The following UNC80 variants were observed in gnomAD, a reference collection of about 807,000 sequenced individuals.
UNC80 encodes unc-80 subunit of NALCN channel complex, also known as protein unc-80 homolog.
UNC80 carries 164 observed loss-of-function variants against 384.6 expected under a neutral mutation model. The observed-to-expected ratio is 0.43, with a 90% confidence interval of 0.38 to 0.49. UNC80 has a LOEUF of 0.49. Among genes scored for constraint, UNC80 ranks in the 20% least tolerant of loss-of-function variants. The pLI is 0.00. For synonymous variants in UNC80, 1,486 were observed against 1,527.8 expected (o/e 0.97, Z 0.64); for missense variants, 3,330 against 4,143.0 (o/e 0.80, Z 5.39).
intron 61 of UNC80, 63 bp from the exon 62 acceptor site, chr2:209,992,103 C>A: frequency 7.2e-7 from 1 of 1,393,076 alleles, no homozygotes; most frequent in Non-Finnish European, 9.9e-7. Flanking sequence ...TTGGCTAACA[C>A]CCACCAGAGG....
intron 51 of UNC80, among the ~76,000 whole-genome samples, chr2:209,962,227 G>T (rs2092615363): frequency 1.3e-5 from 2 of 152,058 alleles, no homozygotes; most frequent in South Asian, 4.2e-4. Flanking sequence ...TTTTATGGCT[G>T]GCTTCAGGAA....
At chr2:209,900,191 A>G (rs961462900) in intron 28 of UNC80, among the ~76,000 whole-genome samples, 2 of 152,058 alleles carry the variant, frequency 1.3e-5, no homozygotes, top group African/African-American at 4.8e-5. Context: ...ACCTCATTTT[A>G]TTGTACTTTA....
At chr2:209,949,194 AT>A (rs2092044006) in intron 47 of UNC80, among the ~76,000 whole-genome samples, 2 of 152,188 alleles carry the variant, frequency 1.3e-5, no homozygotes, top group Admixed American at 1.3e-4. Context: ...TATTGCTAGG[AT>A]CACAGGGAAG....
rs1289499829 is a variant in UNC80, at chr2:209,777,368, C to T, written c.409C>T (p.Arg137Ter). The change falls in exon 4 of 65, where the codon CGA (arginine) becomes TGA (stop). Residue 137 changes from arginine to a stop codon, truncating the protein, a stop_gained. Coordinates refer to ENST00000673920, the MANE Select transcript of UNC80 (RefSeq NM_001371986.1). LOFTEE classifies it high-confidence loss of function. ...CAATGAGCGGTTTGGGGGTACAGAC[C>T]GAGGCTCCAGCTGGGGTGGAAGCAG... Reference protein sequence around the residue: ...CNNERFGGTDRGSSWGGSSSA... With the variant: ...CNNERFGGTD The T allele has an allele frequency of 2.5e-6, 4 of 1,614,124 alleles. No homozygotes were observed. Among genetic ancestry groups the T allele is most frequent in the Non-Finnish European group, 3.4e-6 (4 of 1,180,010 alleles).
At chr2:209,964,796 A>T (rs991252311) in intron 51 of UNC80, among the ~76,000 whole-genome samples, 2 of 151,720 alleles carry the variant, frequency 1.3e-5, no homozygotes, top group East Asian at 1.9e-4. Context: ...AAAAAAAAAA[A>T]AAAAAAGACA....
intron 61 of UNC80, among the ~76,000 whole-genome samples, chr2:209,988,433 C>G (rs188286113): frequency 1.3e-5 from 2 of 151,976 alleles, no homozygotes; most frequent in Non-Finnish European, 2.9e-5. Flanking sequence ...TTGAAATGAG[C>G]GATATGAATT....
intron 14 of UNC80, among the ~76,000 whole-genome samples, chr2:209,828,831 G>A (rs1450552290): frequency 6.6e-6 from 1 of 152,072 alleles, no homozygotes; most frequent in Admixed American, 6.6e-5. Context: ...ATATAGTGTG[G>A]CATGCATCTT....
chr2:209,972,322 A>G lies in UNC80; in HGVS notation c.8378A>G (p.Lys2793Arg), dbSNP rs1174170343. 1 of 1,550,894 alleles carries G rather than the reference A, an allele frequency of 6.4e-7. No homozygotes were observed. The highest frequency in any genetic ancestry group is 8.7e-7 in the Non-Finnish European group (1 of 1,146,546). Residue 2793 changes from lysine to arginine, a missense_variant and splice_region_variant, in exon 55 of 65, where the codon AAA becomes AGA. Coordinates refer to ENST00000673920, the MANE Select transcript of UNC80 (RefSeq NM_001371986.1). ...PFVLTVGSGS[K>R]DSPWLEQPEV... Reference sequence around the variant, plus strand: ...GTGCTCACAGTAGGATCTGGAAGCAAAGGTCTGATTAATTTAACTAAAGGA... The same window carrying G: ...GTGCTCACAGTAGGATCTGGAAGCAGAGGTCTGATTAATTTAACTAAAGGA...
In UNC80 at chr2:209,842,388, G is replaced by C. The variant is rs1279554965; in HGVS notation, c.3396G>C (p.Gly1132=). Reference sequence around the variant, plus strand: ...GTGCTGTGAAGCTTTCTGAAGGTGGGCCAGGAAGTGGCATGGAAAATGGAA... The same window carrying C: ...GTGCTGTGAAGCTTTCTGAAGGTGGCCCAGGAAGTGGCATGGAAAATGGAA... The part of the protein sequence containing the change: ...FTSAVKLSEG[G]PGSGMENGRD... The change falls in exon 21 of 65, where the codon GGG becomes GGC. Residue 1132 remains glycine, a synonymous_variant. Coordinates refer to ENST00000673920, the MANE Select transcript of UNC80 (RefSeq NM_001371986.1). 1.3e-6 allele frequency: 2 copies of C among 1,551,062 alleles called. No individual in the cohort carries two copies. The highest frequency in any genetic ancestry group is 3.9e-5 in the Admixed American group (2 of 50,970).
Position 209,946,060 on chromosome 2 carries a change from C to T in UNC80, c.7286+117C>T, listed in dbSNP as rs2091899773. On this transcript the variant is annotated intron_variant, in intron 47 of 64. Transcript: ENST00000673920. Reference sequence around the variant, plus strand: ...TCAGACTAACATTCTGACAAGTAAGCTTTTAGAAACTAAATTTAGGCCAGG... The same window carrying T: ...TCAGACTAACATTCTGACAAGTAAGTTTTTAGAAACTAAATTTAGGCCAGG... 7.7e-6 allele frequency: 6 copies of T among 778,314 alleles called. No homozygotes were observed. In the East Asian group the frequency reaches 1.4e-4, roughly 18 times the overall value. The allele number at this position is 778,314 out of a possible 1,614,324, so 48.2% of individuals were successfully genotyped here.
At position 209,994,208 on chromosome 2, in the gene UNC80, C is replaced by T; in HGVS notation, c.9652C>T (p.Leu3218Phe). Residue 3218 changes from leucine to phenylalanine, a missense_variant, in exon 64 of 65, where the codon CTC (leucine) becomes TTC (phenylalanine). By Grantham distance (22) the Leu-to-Phe change is conservative. Coordinates refer to ENST00000673920, the MANE Select transcript of UNC80 (RefSeq NM_001371986.1). The part of the protein sequence containing the change: ...RKPEAMDEPV[L>F]TSSPAIVVAD... Reference sequence around the variant, plus strand: ...ACCAGAAGCAATGGACGAACCAGTCCTCACATCTTCTCCCGCCATAGTTGT... The same window carrying T: ...ACCAGAAGCAATGGACGAACCAGTCTTCACATCTTCTCCCGCCATAGTTGT... 6.4e-6 allele frequency: 10 copies of T among 1,550,458 alleles called. No individual in the cohort carries two copies. The highest frequency in any genetic ancestry group is 7.0e-6 in the Non-Finnish European group (8 of 1,146,176).
chr2:209,829,791 CA>C (rs1408290569), intron 15 of UNC80, among the ~76,000 whole-genome samples: 1 of 152,140 alleles, frequency 6.6e-6, no homozygotes, highest in African/African-American at 2.4e-5. Context: ...CAGTGCCTGA[CA>C]ATTTTTTCAC....
rs747860792 is a variant in UNC80, at chr2:209,825,867, G to A, written c.2332-40G>A. 7 of 1,483,260 alleles carry A rather than the reference G, an allele frequency of 4.7e-6. No homozygotes were observed. In the African/African-American group the frequency reaches 1.0e-4, roughly 21 times the overall value. The allele number at this position is 1,483,260 out of a possible 1,614,324, so 91.9% of individuals were successfully genotyped here. A position where few individuals can be genotyped will look rare whatever the true frequency, so the allele number is the denominator to read the frequency against. The stretch of plus-strand genomic sequence containing the variant: ...TTAGCAAAAGGACCTCAGTGACAAA[G>A]TAAACAGACTTTTCTTTCTTTCTCA... On this transcript the variant is annotated intron_variant, in intron 13 of 64. Transcript: ENST00000673920.
At chr2:209,809,573 C>A in intron 7 of UNC80, 1 of 829,498 alleles carries the variant, frequency 1.2e-6, no homozygotes, top group Non-Finnish European at 2.0e-6. Context: ...TCAGGGGGCC[C>A]TCGCTGACCC....
At chr2:209,866,154 A>G (rs2124871268) in intron 22 of UNC80, among the ~76,000 whole-genome samples, 1 of 152,286 alleles carries the variant, frequency 6.6e-6, no homozygotes, top group South Asian at 2.1e-4. Context: ...TATCTTTTCA[A>G]TATTGTGTCG....
At chr2:209,954,571 AAC>A (rs1053741666) in intron 48 of UNC80, 4 of 213,786 alleles carry the variant, frequency 1.9e-5, no homozygotes, top group Non-Finnish European at 3.7e-5. Flanking sequence ...CCCAGTGGTA[AAC>A]ACATCTTGTG....
At chr2:209,945,280 A>G (rs2124983671) in intron 46 of UNC80, 91 bp downstream of exon 46, 2 of 1,277,292 alleles carry the variant, frequency 1.6e-6, no homozygotes, top group Non-Finnish European at 2.1e-6. Context: ...GTATATTTAT[A>G]TGTGTGTGTA....
At chr2:209,958,484 T>C (rs997216144) in intron 49 of UNC80, among the ~76,000 whole-genome samples, 3 of 152,224 alleles carry the variant, frequency 2.0e-5, no homozygotes, top group Non-Finnish European at 4.4e-5. Context: ...CATGTAAAGT[T>C]AATTCCCTGC....
chr2:209,934,825 A>G (rs1375761970), intron 39 of UNC80, among the ~76,000 whole-genome samples: 1 of 152,248 alleles, frequency 6.6e-6, no homozygotes, highest in Non-Finnish European at 1.5e-5. Context: ...TACCTGGCTC[A>G]TGATAAGCAT....
Sources: gnomAD v4.1 joint callset for allele counts (sites outside exome capture counted in the v4.1 genomes callset) on GRCh38, gnomAD v4.1.1 for gene constraint, MANE v1.5 for transcripts, NCBI Gene and HGNC (gene_info 2026-07-23, HGNC 2026-07-21) for gene names.